Variants in ZCCHC7 observed in about 807,000 individuals in gnomAD.
ZCCHC7 encodes the protein zinc finger CCHC-type containing 7, also known as zinc finger CCHC domain-containing protein 7.
ZCCHC7 carries 35 observed loss-of-function variants against 52.0 expected under a neutral mutation model. That is an observed-to-expected ratio of 0.67 (90% confidence interval 0.51 to 0.89). The LOEUF is 0.89. ZCCHC7 is among the 40% of genes least tolerant of loss of function. The pLI, the probability that ZCCHC7 is intolerant of heterozygous loss-of-function variation, is 0.00. For missense variants in ZCCHC7, 574 were observed against 649.1 expected (o/e 0.88, Z 1.26); for synonymous variants, 217 against 221.5 (o/e 0.98, Z 0.18).
chr9:37,193,409 T>G (rs1823120095), intron 2 of ZCCHC7, among the ~76,000 whole-genome samples: 1 of 152,186 alleles, frequency 6.6e-6, no homozygotes, highest in Admixed American at 6.5e-5. Flanking sequence ...TTTTACTGCA[T>G]TTTGACATCT....
intron 6 of ZCCHC7, among the ~76,000 whole-genome samples, chr9:37,340,544 T>C (rs1254868321): frequency 6.6e-6 from 1 of 152,206 alleles, no homozygotes; most frequent in Admixed American, 6.5e-5. Flanking sequence ...CATTTAACTT[T>C]TTGTCAGCAG....
intron 2 of ZCCHC7, among the ~76,000 whole-genome samples, chr9:37,192,573 A>C (rs1012655606): frequency 1.3e-5 from 2 of 152,228 alleles, no homozygotes; most frequent in Non-Finnish European, 2.9e-5. Context: ...ACCAGAAGAA[A>C]TATCTTTCCA....
At chr9:37,137,331 G>A (rs972205084) in intron 2 of ZCCHC7, among the ~76,000 whole-genome samples, 2 of 152,156 alleles carry the variant, frequency 1.3e-5, no homozygotes, top group African/African-American at 2.4e-5. Flanking sequence ...TTGAATTTGA[G>A]TTTCGAAAAA....
intron 5 of ZCCHC7, among the ~76,000 whole-genome samples, chr9:37,324,911 G>A (rs1180578016): frequency 1.3e-5 from 2 of 152,320 alleles, no homozygotes; most frequent in East Asian, 1.9e-4. Flanking sequence ...GCTGTCAGGG[G>A]CTGTTTAAGA....
chr9:37,238,194 A>T (rs1198025674), intron 2 of ZCCHC7, among the ~76,000 whole-genome samples: 1 of 152,176 alleles, frequency 6.6e-6, no homozygotes, highest in East Asian at 1.9e-4. Flanking sequence ...GTCAGTACTG[A>T]TTCTCTATCC....
chr9:37,171,470 G>A (rs1056982814), intron 2 of ZCCHC7, among the ~76,000 whole-genome samples: 1 of 152,182 alleles, frequency 6.6e-6, no homozygotes, highest in Non-Finnish European at 1.5e-5. Context: ...AGGCGGAAGT[G>A]CAGTGGTGCG....
chr9:37,305,139 G>C (rs1440666355), intron 4 of ZCCHC7, among the ~76,000 whole-genome samples: 1 of 152,104 alleles, frequency 6.6e-6, no homozygotes, highest in African/African-American at 2.4e-5. Flanking sequence ...TCTTCCAAAT[G>C]ACTGCTTTTC....
intron 2 of ZCCHC7, among the ~76,000 whole-genome samples, chr9:37,215,368 A>G (rs763975208): frequency 6.6e-6 from 1 of 152,226 alleles, no homozygotes; most frequent in Non-Finnish European, 1.5e-5. Flanking sequence ...CAAGATCAGA[A>G]CAAAATAACT....
chr9:37,171,844 T>C (rs1821746153), intron 2 of ZCCHC7, among the ~76,000 whole-genome samples: 1 of 152,228 alleles, frequency 6.6e-6, no homozygotes, highest in Admixed American at 6.5e-5. Flanking sequence ...TTTTCTAATA[T>C]TGCTTATATT....
intron 2 of ZCCHC7, among the ~76,000 whole-genome samples, chr9:37,173,380 A>G (rs953272237): frequency 2.6e-5 from 4 of 152,256 alleles, no homozygotes; most frequent in Non-Finnish European, 5.9e-5. Flanking sequence ...CTGTTCATAT[A>G]GCATTTTATC....
At chr9:37,152,396 TA>T (rs1172227413) in intron 2 of ZCCHC7, among the ~76,000 whole-genome samples, 5 of 152,204 alleles carry the variant, frequency 3.3e-5, no homozygotes, top group African/African-American at 4.8e-5. Flanking sequence ...ATTAACGACT[TA>T]TTAACTAAAG....
At chr9:37,302,813 T>G (rs954952613) in intron 3 of ZCCHC7, among the ~76,000 whole-genome samples, 2 of 152,210 alleles carry the variant, frequency 1.3e-5, no homozygotes, top group African/African-American at 4.8e-5. Context: ...GTTGGTACTC[T>G]CTTACAAGAT....
intron 2 of ZCCHC7, among the ~76,000 whole-genome samples, chr9:37,193,133 A>G (rs977430350): frequency 3.3e-5 from 5 of 152,206 alleles, no homozygotes; most frequent in African/African-American, 9.6e-5. Context: ...CTTGATTTCA[A>G]TGAAAGTGAA....
At chr9:37,320,987 CT>C (rs11303114) in intron 5 of ZCCHC7, among the ~76,000 whole-genome samples, 30,792 of 115,700 alleles carry the variant, frequency 0.27, 2,672 homozygotes, top group Middle Eastern at 0.36. Context: ...TTTCTTTTTT[CT>C]TTTTTTTTTT....
In ZCCHC7 at chr9:37,267,571, T is replaced by TC. The variant is rs1169125188; in HGVS notation, c.611-34617_611-34616insC. On this transcript the variant is annotated intron_variant, in intron 2 of 8. Transcript: ENST00000336755. ...CCATGCACGGCTAATTTTTTCTTTTTTTTTTTTTTTTTTTTTGAGACAGAG... is the reference window on the plus strand; with the variant it reads ...CCATGCACGGCTAATTTTTTCTTTTTCTTTTTTTTTTTTTTTTGAGACAGAG... 9.7e-4 allele frequency among the ~76,000 whole-genome samples: 139 copies of TC among 143,232 alleles called. 1 individual carries two copies. Among genetic ancestry groups the TC allele is most frequent in the African/African-American group, 3.4e-3 (130 of 38,624 alleles). The allele number at this position is 143,232 out of a possible 152,430, so 94.0% of individuals were successfully genotyped here. A position where few individuals can be genotyped will look rare whatever the true frequency, so the allele number is the denominator to read the frequency against.
chr9:37,279,950 C>T (rs904893632), intron 2 of ZCCHC7, among the ~76,000 whole-genome samples: 2 of 151,858 alleles, frequency 1.3e-5, no homozygotes, highest in African/African-American at 4.8e-5. Context: ...GTCAGGAGAT[C>T]GAGGCCATCC....
At chr9:37,343,935 T>TATA (rs140820414) in intron 6 of ZCCHC7, among the ~76,000 whole-genome samples, 1 of 152,364 alleles carries the variant, frequency 6.6e-6, no homozygotes, top group Non-Finnish European at 1.5e-5. Context: ...AATAAAACTT[T>TATA]ATAGACACTG....
chr9:37,318,739 C>G (rs1829930402), intron 5 of ZCCHC7, among the ~76,000 whole-genome samples: 1 of 151,562 alleles, frequency 6.6e-6, no homozygotes, highest in Non-Finnish European at 1.5e-5. Context: ...ATGTTGAAAC[C>G]CTGTCTCTCC....
intron 2 of ZCCHC7, among the ~76,000 whole-genome samples, chr9:37,290,863 A>G (rs899157706): frequency 6.6e-6 from 1 of 152,168 alleles, no homozygotes; most frequent in Non-Finnish European, 1.5e-5. Context: ...TCATCCTAGG[A>G]ATAATTTTAT....
Sources: gnomAD v4.1 joint callset for allele counts (sites outside exome capture counted in the v4.1 genomes callset) on GRCh38, gnomAD v4.1.1 for gene constraint, MANE v1.5 for transcripts, NCBI Gene and HGNC (gene_info 2026-07-23, HGNC 2026-07-21) for gene names.